Variants in PSD observed in about 807,000 individuals in gnomAD.
PSD encodes the protein pleckstrin and Sec7 domain containing.
A neutral mutation model predicts 91.6 loss-of-function variants in PSD; 32 were observed. The ratio of observed to expected loss-of-function variants is 0.35; its 90% CI spans 0.26 to 0.47. The LOEUF is 0.47. Among genes scored for constraint, PSD ranks in the 20% least tolerant of loss-of-function variants. PSD has a pLI of 1.00. For synonymous variants in PSD, 532 were observed against 569.3 expected (o/e 0.93, Z 0.93); for missense variants, 1,099 against 1,373.9 (o/e 0.80, Z 3.16).
rs2061337017 is a variant in PSD at position 102,404,494 on chromosome 10, C to T, written c.2700+89G>A. ...AGCATCCTGGTGCAGGGGACATCTC[C>T]ACGATCACACGCAGCAGCCTTGAGT... On this transcript the variant is annotated intron_variant, in intron 15 of 16. Coordinates refer to ENST00000020673, the MANE Select transcript of PSD (RefSeq NM_002779.5). The surrounding 1 kb of genome is among the most constrained non-coding windows in gnomAD (Gnocchi z 5.7). 1 of 1,485,194 alleles carries T rather than the reference C, an allele frequency of 6.7e-7. No individual in the cohort carries two copies. The highest frequency in any genetic ancestry group is 2.0e-5 in the Admixed American group (1 of 48,890). The allele number at this position is 1,485,194 out of a possible 1,614,324, so 92.0% of individuals were successfully genotyped here.
intron 10 of PSD, among the ~76,000 whole-genome samples, chr10:102,408,424 C>T (rs1565222787): frequency 6.6e-6 from 1 of 152,208 alleles, no homozygotes; most frequent in East Asian, 1.9e-4. Context: ...CCCACTCCAC[C>T]GCCCCCAGCA....
At chr10:102,413,591 C>T (rs975905226) in intron 5 of PSD, among the ~76,000 whole-genome samples, 178 bp downstream of exon 5, 1 of 152,050 alleles carries the variant, frequency 6.6e-6, no homozygotes, top group African/African-American at 2.4e-5. Context: ...GAGGGACTCT[C>T]CCTCACAGCT....
At chr10:102,418,060 AACACACAC>A (rs3061745) in intron 1 of PSD, among the ~76,000 whole-genome samples, 21,434 of 147,958 alleles carry the variant, frequency 0.14, 1,662 homozygotes, top group East Asian at 0.18. Flanking sequence ...CACACACACA[AACACACAC>A]ACACACACAC....
At chr10:102,408,454 C>T (rs2061386842) in intron 10 of PSD, among the ~76,000 whole-genome samples, 1 of 152,192 alleles carries the variant, frequency 6.6e-6, no homozygotes, top group Non-Finnish European at 1.5e-5. Flanking sequence ...CAAATCAACA[C>T]ATAGACCTTC....
At position 102,404,080 on chromosome 10, in the gene PSD, G is replaced by A; in HGVS notation, c.2701-95C>T. On this transcript the variant is annotated intron_variant, in intron 15 of 16. Coordinates refer to ENST00000020673, the MANE Select transcript of PSD (RefSeq NM_002779.5). This position sits in a 1 kb window ranked among gnomAD's most constrained non-coding sequence, Gnocchi z 5.7. Reference sequence around the variant, plus strand: ...GATACCCCTTCCAGCCGGGCGCGGTGGCTCACGCCTGTAATCCCAGCACTT... The same window carrying A: ...GATACCCCTTCCAGCCGGGCGCGGTAGCTCACGCCTGTAATCCCAGCACTT... 8.2e-7 allele frequency: 1 copy of A among 1,224,506 alleles called. No individual in the cohort carries two copies. The highest frequency in any genetic ancestry group is 1.6e-5 in the South Asian group (1 of 62,158). 75.9% of individuals were successfully genotyped at this position (1,224,506 alleles called of 1,614,324 possible). A position where few individuals can be genotyped will look rare whatever the true frequency, so the allele number is the denominator to read the frequency against.
At chr10:102,406,821 A>T (rs1015682713) in intron 11 of PSD, among the ~76,000 whole-genome samples, 1 of 152,018 alleles carries the variant, frequency 6.6e-6, no homozygotes, top group African/African-American at 2.4e-5. Flanking sequence ...CTATGTTTCT[A>T]TTGGAGCCTT....
chr10:102,414,739 A>G lies in PSD; in HGVS notation c.1124+124T>C, dbSNP rs1589892206. The G allele has an allele frequency of 7.7e-7, 1 of 1,303,874 alleles. No homozygotes were observed. The highest frequency in any genetic ancestry group is 1.8e-5 in the South Asian group (1 of 55,882). The allele number at this position is 1,303,874 out of a possible 1,614,324, so 80.8% of individuals were successfully genotyped here. On this transcript the variant is annotated intron_variant, in intron 4 of 16. Transcript: ENST00000020673. The surrounding 1 kb of genome is among the most constrained non-coding windows in gnomAD (Gnocchi z 5.6). Reference sequence around the variant, plus strand: ...CTGTCTAGAATCTCCTGCTATACACACTGCCCCGCCAGCCCCACACCCATC... The same window carrying G: ...CTGTCTAGAATCTCCTGCTATACACGCTGCCCCGCCAGCCCCACACCCATC...
chr10:102,413,804 C>T lies in PSD; in HGVS notation c.1518G>A (p.Glu506=), dbSNP rs2061447285. The T allele has an allele frequency of 6.2e-7, 1 of 1,613,902 alleles. No individual in the cohort carries two copies. Among genetic ancestry groups the T allele is most frequent in the African/African-American group, 1.3e-5 (1 of 74,942 alleles). ...GREPPSPCHS[E]DSLGLGAAPL... ...GTGCTGCCCCCAGCCCAAGGCTGTC[C>T]TCTGAGTGGCAGGGACTAGGGGGCT... is the stretch of plus-strand genomic sequence containing the variant. Residue 506 remains glutamate (E), a synonymous_variant, in exon 5 of 17, where the codon GAG becomes GAA. Coordinates refer to ENST00000020673, the MANE Select transcript of PSD (RefSeq NM_002779.5).
At chr10:102,418,101 A>G (rs2061505984) in intron 1 of PSD, among the ~76,000 whole-genome samples, 1 of 151,210 alleles carries the variant, frequency 6.6e-6, no homozygotes, top group African/African-American at 2.4e-5. Flanking sequence ...GCACACACAT[A>G]CATAAGGACA....
chr10:102,407,292 G>C (rs756747901), intron 10 of PSD, 26 bp from the exon 11 acceptor site: 1 of 1,521,564 alleles, frequency 6.6e-7, no homozygotes, highest in Admixed American at 1.9e-5. Flanking sequence ...AACAAATTAG[G>C]GGGTTGTGGG....
In PSD at chr10:102,413,840, G is replaced by A. The variant is rs142406807; in HGVS notation, c.1482C>T (p.Ala494=). The A allele has an allele frequency of 5.7e-4, 918 of 1,613,964 alleles. 3 individuals carry two copies. Among genetic ancestry groups the A allele is most frequent in the African/African-American group, 5.3e-3 (397 of 75,002 alleles). Residue 494 remains alanine (A), a synonymous_variant, in exon 5 of 17, where the codon GCC becomes GCT. Transcript: ENST00000020673. The part of the protein sequence containing the change: ...EEEAEARAKL[A]PGREPPSPCH... ...AGGGACTAGGGGGCTCCCTCCCTGG[G>A]GCCAGCTTGGCTCTGGCCTCTGCCT...
Position 102,412,247 on chromosome 10 carries a change from A to G in PSD, c.1749-20T>C. The G allele has an allele frequency of 6.2e-7, 1 of 1,613,850 alleles. No homozygotes were observed. Among genetic ancestry groups the G allele is most frequent in the Non-Finnish European group, 8.5e-7 (1 of 1,179,780 alleles). On this transcript the variant is annotated intron_variant, in intron 6 of 16. Coordinates refer to ENST00000020673, the MANE Select transcript of PSD (RefSeq NM_002779.5). ...TCATTGCTGTGGGCAGGGCAGAGAG[A>G]CAGGTAGGGTCTCAAGGGGAAGTGC... is the stretch of plus-strand genomic sequence containing the variant.
Position 102,410,632 on chromosome 10 carries a change from G to A in PSD, c.2091+226C>T, listed in dbSNP as rs1296979258. ...CCAGAGCCGGGTCCCCTCCCCCGCC[G>A]TGCGCAGTCGCGACCGCACGCATGT... On this transcript the variant is annotated intron_variant, in intron 10 of 16. Coordinates refer to ENST00000020673, the MANE Select transcript of PSD (RefSeq NM_002779.5). This position sits in a 1 kb window ranked among gnomAD's most constrained non-coding sequence, Gnocchi z 6.0. 6.6e-6 allele frequency among the ~76,000 whole-genome samples: 1 copy of A among 152,204 alleles called. No homozygotes were observed. Among genetic ancestry groups the A allele is most frequent in the African/African-American group, 2.4e-5 (1 of 41,448 alleles).
At chr10:102,419,171 C>A (rs1565231787), upstream of PSD, 1 of 220,290 alleles carries the variant, frequency 4.5e-6, no homozygotes, top group Non-Finnish European at 9.5e-6. The surrounding 1 kb of genome is among the most constrained non-coding windows in gnomAD (Gnocchi z 4.8). Context: ...CCCCCACGAG[C>A]ACGCGGCCGC....
In PSD at chr10:102,416,146, C is replaced by G. The variant is rs1239200779; in HGVS notation, c.655-27G>C. On this transcript the variant is annotated intron_variant, in intron 2 of 16. Coordinates refer to ENST00000020673, the MANE Select transcript of PSD (RefSeq NM_002779.5). The surrounding 1 kb of genome is among the most constrained non-coding windows in gnomAD (Gnocchi z 6.0). ...TGAGCCAACGAGGGAGACACAGGCA[C>G]CCAGAGATAAAGCCAGACATACAAG... is the stretch of plus-strand genomic sequence containing the variant. 2 of 1,549,504 alleles carry G rather than the reference C, an allele frequency of 1.3e-6. No homozygotes were observed. Among genetic ancestry groups the G allele is most frequent in the Non-Finnish European group, 8.9e-7 (1 of 1,126,040 alleles).
Position 102,411,745 on chromosome 10 carries a change from C to T in PSD, c.1904G>A (p.Arg635Gln), listed in dbSNP as rs1042465816. ...GGCTTCAGGATTGCACTGGAAGTAT[C>T]GCTGGGAGAAGTGGGCCAGCACGCG... The part of the protein sequence containing the change: ...RERVLAHFSQ[R>Q]YFQCNPEALS... Residue 635 changes from arginine to glutamine, a missense_variant, in exon 8 of 17, where the codon CGA (arginine) becomes CAA (glutamine). Transcript: ENST00000020673. 2 of 1,613,720 alleles carry T rather than the reference C, an allele frequency of 1.2e-6. No individual in the cohort carries two copies. Among genetic ancestry groups the T allele is most frequent in the Non-Finnish European group, 8.5e-7 (1 of 1,179,872 alleles).
rs776466131 is a variant in PSD at position 102,412,140 on chromosome 10, C to A, written c.1829+7G>T. ...TGGGGGCTGTCCTCCAAGGGGTCAA[C>A]ACCCACCTGAGAGCTTGGTCCAGAG... On this transcript the variant is annotated splice_region_variant and intron_variant, in intron 7 of 16. Transcript: ENST00000020673. The A allele has an allele frequency of 6.2e-7, 1 of 1,613,756 alleles. No homozygotes were observed. Among genetic ancestry groups the A allele is most frequent in the Non-Finnish European group, 8.5e-7 (1 of 1,179,708 alleles).
intron 10 of PSD, chr10:102,408,760 GC>G (rs2061391576): frequency 2.3e-6 from 1 of 430,386 alleles, no homozygotes; most frequent in Non-Finnish European, 3.1e-6. Context: ...CCCAGCCCGT[GC>G]CCGCCTCTGG....
intron 7 of PSD, among the ~76,000 whole-genome samples, 164 bp from the exon 8 acceptor site, chr10:102,411,983 G>A: frequency 6.6e-6 from 1 of 152,258 alleles, no homozygotes; most frequent in Non-Finnish European, 1.5e-5. Flanking sequence ...CCCTACCCAA[G>A]GTCCCTTTAC....
Sources: gnomAD v4.1 joint callset for allele counts (sites outside exome capture counted in the v4.1 genomes callset) on GRCh38, gnomAD v4.1.1 for gene constraint, Gnocchi (gnomAD v3.1) non-coding constraint, MANE v1.5 for transcripts, NCBI Gene and HGNC (gene_info 2026-07-23, HGNC 2026-07-21) for gene names.